SORL1: variants seen among roughly 807,000 people sequenced by gnomAD.
The protein encoded by SORL1 is sortilin related receptor 1.
A neutral mutation model predicts 273.7 loss-of-function variants in SORL1; 127 were observed. That is an observed-to-expected ratio of 0.46 (90% CI 0.40 to 0.54). SORL1 has a LOEUF of 0.54. Ranked by LOEUF, SORL1 falls within the 20% of genes least tolerant of loss-of-function variation. The pLI, the probability that SORL1 is intolerant of heterozygous loss-of-function variation, is 0.00. For missense variants in SORL1, 2,494 were observed against 2,846.1 expected, an observed-to-expected ratio of 0.88 and a Z score of 2.81; for synonymous variants, 1,031 against 1,067.4, an observed-to-expected ratio of 0.97 and a Z score of 0.66.
At chr11:121,541,899 T>C (rs186799294) in intron 12 of SORL1, among the ~76,000 whole-genome samples, 3 of 152,244 alleles carry the variant, frequency 2.0e-5, no homozygotes, top group African/African-American at 4.8e-5. Context: ...TCTGTTATAG[T>C]CTGTCTTGGA....
At chr11:121,478,822 G>A (rs965023678) in intron 3 of SORL1, among the ~76,000 whole-genome samples, 2 of 151,652 alleles carry the variant, frequency 1.3e-5, no homozygotes, top group African/African-American at 4.8e-5. Context: ...TTGTGTGCGT[G>A]TAGTTACTTG....
In SORL1 at chr11:121,554,052, C is replaced by G. The variant is rs1424295945; in HGVS notation, c.2382C>G (p.Asp794Glu). 8.1e-6 allele frequency: 13 copies of G among 1,614,166 alleles called. No homozygotes were observed. Among genetic ancestry groups the G allele is most frequent in the Non-Finnish European group, 1.1e-5 (13 of 1,180,022 alleles). Reference sequence around the variant, plus strand: ...GGCTACGGGCAGCAGTGGCCCTGGACTTTGACTATGAGCACAACTGTTTGT... The same window carrying G: ...GGCTACGGGCAGCAGTGGCCCTGGAGTTTGACTATGAGCACAACTGTTTGT... ...LTGLRAAVAL[D>E]FDYEHNCLYW... is the part of the protein sequence containing the mutation. The change falls in exon 17 of 48, where the codon GAC (aspartate) becomes GAG (glutamate). Residue 794 changes from aspartate to glutamate, a missense_variant. By Grantham distance (45) the Asp-to-Glu change is conservative. This residue lies in a region of SORL1 where 710 missense variants were observed against 882.5 expected (regional missense o/e 0.80). Transcript: ENST00000260197. This position sits in a 1 kb window ranked among gnomAD's most constrained non-coding sequence, Gnocchi z 4.6.
chr11:121,486,681 C>T (rs558401773), intron 3 of SORL1, among the ~76,000 whole-genome samples: 2 of 151,862 alleles, frequency 1.3e-5, no homozygotes, highest in Non-Finnish European at 2.9e-5. Flanking sequence ...GGTTTTCACC[C>T]TGTTAGCCAG....
At chr11:121,619,355 T>C (rs1411542009) in intron 42 of SORL1, among the ~76,000 whole-genome samples, 1 of 152,220 alleles carries the variant, frequency 6.6e-6, no homozygotes, top group East Asian at 1.9e-4. Context: ...ATAAGAAGTA[T>C]GACAACTCTA....
chr11:121,452,798 T>A lies in SORL1; in HGVS notation c.285+182T>A. Reference sequence around the variant, plus strand: ...CACTTGAATCGCATTGATCTTTCCTTCTTCCTGTCGATTTAGTAAACGTAT... The same window carrying A: ...CACTTGAATCGCATTGATCTTTCCTACTTCCTGTCGATTTAGTAAACGTAT... On this transcript the variant is annotated intron_variant, in intron 1 of 47. Transcript: ENST00000260197. The surrounding 1 kb of genome is among the most constrained non-coding windows in gnomAD (Gnocchi z 5.3). The A allele has an allele frequency of 1.9e-6, 1 of 517,544 alleles. No individual in the cohort carries two copies. The highest frequency in any genetic ancestry group is 3.2e-6 in the Non-Finnish European group (1 of 309,212). The allele number at this position is 517,544 out of a possible 1,614,324, so 32.1% of individuals were successfully genotyped here. A position where few individuals can be genotyped will look rare whatever the true frequency, so the allele number is the denominator to read the frequency against.
At chr11:121,523,196 G>A (rs1428262119) in intron 11 of SORL1, among the ~76,000 whole-genome samples, 1 of 152,222 alleles carries the variant, frequency 6.6e-6, no homozygotes, top group Non-Finnish European at 1.5e-5. Flanking sequence ...TTGCAAATGT[G>A]TGAATTTTAC....
At chr11:121,562,527 TC>T (rs1201245635) in intron 21 of SORL1, among the ~76,000 whole-genome samples, 6 of 152,322 alleles carry the variant, frequency 3.9e-5, no homozygotes, top group African/African-American at 1.4e-4. Flanking sequence ...GGGATGTGAA[TC>T]CTCCCTTTGT....
At position 121,536,102 on chromosome 11, in the gene SORL1, T is replaced by C. The variant is rs543558784; in HGVS notation, c.1685+3550T>C. Among the ~76,000 whole-genome samples the C allele has an allele frequency of 2.6e-5, 4 of 152,362 alleles. No individual in the cohort carries two copies. In the East Asian group the frequency reaches 7.7e-4, roughly 29 times the overall value. On this transcript the variant is annotated intron_variant, in intron 12 of 47. Coordinates refer to ENST00000260197, the MANE Select transcript of SORL1 (RefSeq NM_003105.6). Reference sequence around the variant, plus strand: ...TGCGGTTTGCTTGTCAGCATGATGATATTTTTCGTAGTCAGTAATAATATT... The same window carrying C: ...TGCGGTTTGCTTGTCAGCATGATGACATTTTTCGTAGTCAGTAATAATATT...
At chr11:121,601,517 T>A (rs7120866) in intron 32 of SORL1, among the ~76,000 whole-genome samples, 2,625 of 151,406 alleles carry the variant, frequency 0.017, 60 homozygotes, top group African/African-American at 0.06. Context: ...CCACCAACAG[T>A]GTAAAAGTGT....
chr11:121,468,932 A>G (rs1861129562), intron 1 of SORL1, among the ~76,000 whole-genome samples: 1 of 152,246 alleles, frequency 6.6e-6, no homozygotes, highest in Non-Finnish European at 1.5e-5. Flanking sequence ...GTGTTAACAC[A>G]TCTTTGAAAA....
intron 2 of SORL1, among the ~76,000 whole-genome samples, chr11:121,476,855 G>T (rs1264010167): frequency 1.3e-5 from 2 of 149,454 alleles, no homozygotes; most frequent in Non-Finnish European, 1.5e-5. Flanking sequence ...ACAATGGTGT[G>T]ATCATGGCTC....
intron 31 of SORL1, among the ~76,000 whole-genome samples, chr11:121,593,930 T>C (rs1478595556): frequency 6.6e-6 from 1 of 152,160 alleles, no homozygotes; most frequent in African/African-American, 2.4e-5. Context: ...TGAGAAAATG[T>C]ATGTGGGAGG....
chr11:121,586,175 C>A (rs1054878044), intron 26 of SORL1, 47 bp from the exon 27 acceptor site: 22 of 1,475,548 alleles, frequency 1.5e-5, no homozygotes, highest in Non-Finnish European at 1.8e-5. Context: ...TGAGTGCCTG[C>A]CTGTTTCCTC....
intron 31 of SORL1, among the ~76,000 whole-genome samples, chr11:121,593,894 G>C (rs1863253165): frequency 6.6e-6 from 1 of 152,142 alleles, no homozygotes; most frequent in Non-Finnish European, 1.5e-5. Context: ...CCATGTTTCA[G>C]TAGAGCACGT....
rs747159413 is a variant in SORL1 at position 121,586,274 on chromosome 11, C to T, written c.3759C>T (p.Ser1253=). The T allele has an allele frequency of 6.2e-7, 1 of 1,614,158 alleles. No individual in the cohort carries two copies. The highest frequency in any genetic ancestry group is 8.5e-7 in the Non-Finnish European group (1 of 1,180,002). Residue 1253 remains serine, a synonymous_variant, in exon 27 of 48, where the codon AGC becomes AGT. Coordinates refer to ENST00000260197, the MANE Select transcript of SORL1 (RefSeq NM_003105.6). ...RCPNGTCIPS[S]KHCDGLRDCS... ...CAAACGGCACTTGCATCCCATCCAG[C>T]AAACATTGTGATGGTCTGCGTGATT...
At chr11:121,570,567 G>T (rs1862826026) in intron 23 of SORL1, among the ~76,000 whole-genome samples, 2 of 152,220 alleles carry the variant, frequency 1.3e-5, no homozygotes, top group East Asian at 1.9e-4. Flanking sequence ...TGGCAATCTG[G>T]GCTCTAATCT....
chr11:121,607,143 C>A, intron 36 of SORL1, 43 bp from the exon 37 acceptor site: 1 of 1,280,882 alleles, frequency 7.8e-7, no homozygotes, highest in Non-Finnish European at 1.1e-6. Context: ...ATGCCCTGGA[C>A]CTTTGGTTCC....
intron 3 of SORL1, among the ~76,000 whole-genome samples, chr11:121,486,885 C>T (rs893648661): frequency 2.6e-5 from 4 of 152,102 alleles, no homozygotes; most frequent in Non-Finnish European, 4.4e-5. Flanking sequence ...CTCCTGAGCC[C>T]GGGGAGGTCA....
intron 30 of SORL1, 50 bp from the exon 31 acceptor site, chr11:121,590,951 A>G: frequency 6.2e-7 from 1 of 1,611,550 alleles, no homozygotes; most frequent in Non-Finnish European, 8.5e-7. Flanking sequence ...TTGGTCTAAG[A>G]TCAAGCTGCT....
Sources: gnomAD v4.1 joint callset for allele counts (sites outside exome capture counted in the v4.1 genomes callset) on GRCh38, gnomAD v4.1.1 for gene constraint, gnomAD v4.1.1 regional missense constraint, Gnocchi (gnomAD v3.1) non-coding constraint, MANE v1.5 for transcripts, NCBI Gene and HGNC (gene_info 2026-07-23, HGNC 2026-07-21) for gene names.